KCNQ3: variants seen among roughly 807,000 people sequenced by gnomAD.
The protein encoded by KCNQ3 is potassium voltage-gated channel subfamily KQT member 3.
In KCNQ3, 30 loss-of-function variants were observed where a neutral mutation model predicts 92.5. The ratio of observed to expected loss-of-function variants is 0.32; its 90% CI spans 0.24 to 0.44. The LOEUF (loss-of-function observed/expected upper bound fraction) is 0.44, where lower values mean the gene tolerates loss of function less well. Among genes scored for constraint, KCNQ3 ranks in the 20% least tolerant of loss-of-function variants. The pLI is 1.00. For missense variants in KCNQ3, 913 were observed against 1,140.3 expected (o/e 0.80, Z 2.87); for synonymous variants, 450 against 468.8 (o/e 0.96, Z 0.52).
chr8:132,400,244 T>C (rs1820298650), intron 1 of KCNQ3, among the ~76,000 whole-genome samples: 1 of 152,184 alleles, frequency 6.6e-6, no homozygotes, highest in Non-Finnish European at 1.5e-5. Context: ...AAGACTGAGC[T>C]AAATATGAGC....
rs1045252695 is a variant in KCNQ3, at chr8:132,124,310, T to C, written c.*4952A>G. 6 of 152,194 alleles carry C rather than the reference T, an allele frequency of 3.9e-5. No individual in the cohort carries two copies. Among genetic ancestry groups the C allele is most frequent in the Non-Finnish European group, 7.3e-5 (5 of 68,036 alleles). The allele number at this position is 152,194 out of a possible 1,614,324, so 9.4% of individuals were successfully genotyped here. A position where few individuals can be genotyped will look rare whatever the true frequency, so the allele number is the denominator to read the frequency against. ...TTGGTGTAAATTTAGAGTTTATAAG[T>C]AACACCAAAGACTGAGACAATGAAG... On this transcript the variant is annotated 3_prime_UTR_variant, in exon 15 of 15. Coordinates refer to ENST00000388996, the MANE Select transcript of KCNQ3 (RefSeq NM_004519.4).
At chr8:132,184,472 G>A in intron 2 of KCNQ3, 105 bp from the exon 3 acceptor site, 1 of 1,384,356 alleles carries the variant, frequency 7.2e-7, no homozygotes, top group Non-Finnish European at 1.0e-6. Context: ...TTGTGCTGTT[G>A]CTGGTTGTCT....
chr8:132,384,734 G>T lies in KCNQ3; in HGVS notation c.386+95413C>A, dbSNP rs573970364. 2.6e-5 allele frequency among the ~76,000 whole-genome samples: 4 copies of T among 152,318 alleles called. No individual in the cohort carries two copies. In the South Asian group the frequency reaches 8.3e-4, roughly 32 times the overall value. ...AGGACTCATAACTTTCTGATCGATA[G>T]AAGCAGTATATTAAAGTCACACAGT... On this transcript the variant is annotated intron_variant, in intron 1 of 14. Transcript: ENST00000388996.
At chr8:132,325,560 T>G (rs902659723) in intron 1 of KCNQ3, among the ~76,000 whole-genome samples, 4 of 152,148 alleles carry the variant, frequency 2.6e-5, no homozygotes, top group African/African-American at 9.7e-5. Context: ...GGTGGTCTTA[T>G]AAGAAGATAT....
At position 132,121,552 on chromosome 8, in the gene KCNQ3, AG is replaced by A. The variant is rs1464613905; in HGVS notation, c.*7709del. The A allele has an allele frequency of 5.3e-5, 8 of 152,184 alleles. No homozygotes were observed. Among genetic ancestry groups the A allele is most frequent in the African/African-American group, 1.7e-4 (7 of 41,430 alleles). The allele number at this position is 152,184 out of a possible 1,614,324, so 9.4% of individuals were successfully genotyped here. ...GCCCCCTCCTTGGAAAAGTATTCAG[AG>A]GGGTATAGAAGGGCCCAATTACCAG... On this transcript the variant is annotated 3_prime_UTR_variant, in exon 15 of 15. Transcript: ENST00000388996.
chr8:132,289,604 G>A (rs912805395), intron 1 of KCNQ3, among the ~76,000 whole-genome samples: 3 of 152,126 alleles, frequency 2.0e-5, no homozygotes, highest in African/African-American at 7.2e-5. Flanking sequence ...AGCCCACCAG[G>A]ATAATCTGAG....
At chr8:132,412,299 A>G (rs1820672773) in intron 1 of KCNQ3, among the ~76,000 whole-genome samples, 2 of 152,050 alleles carry the variant, frequency 1.3e-5, no homozygotes, top group Admixed American at 6.5e-5. Context: ...ATTCTAATTC[A>G]TAAGTCTCTA....
At chr8:132,416,959 C>CG (rs1340705510) in intron 1 of KCNQ3, among the ~76,000 whole-genome samples, 2 of 152,124 alleles carry the variant, frequency 1.3e-5, no homozygotes, top group Non-Finnish European at 2.9e-5. Context: ...CAAGGGGACA[C>CG]GTCTGAGGGA....
At chr8:132,187,979 C>T (rs1223872274) in intron 1 of KCNQ3, among the ~76,000 whole-genome samples, 16 of 140,768 alleles carry the variant, frequency 1.1e-4, no homozygotes. Context: ...ACATCAGTAA[C>T]TGTTACTACA....
chr8:132,241,464 A>T (rs1026798374), intron 1 of KCNQ3, among the ~76,000 whole-genome samples: 2 of 151,916 alleles, frequency 1.3e-5, no homozygotes, highest in African/African-American at 4.8e-5. Context: ...ATGGTGCGGT[A>T]TCGGCTCACT....
chr8:132,361,203 A>G (rs752857270), intron 1 of KCNQ3, among the ~76,000 whole-genome samples: 41 of 152,184 alleles, frequency 2.7e-4, no homozygotes, highest in Non-Finnish European at 5.6e-4. Context: ...CCACTTTCCA[A>G]TAGCCTCTCT....
chr8:132,216,217 A>C (rs1814024409), intron 1 of KCNQ3, among the ~76,000 whole-genome samples: 1 of 151,192 alleles, frequency 6.6e-6, no homozygotes, highest in Non-Finnish European at 1.5e-5. Flanking sequence ...CAACAGCAAC[A>C]GCAACTATGA....
intron 1 of KCNQ3, among the ~76,000 whole-genome samples, chr8:132,467,300 A>G (rs778279222): frequency 6.6e-6 from 1 of 152,218 alleles, no homozygotes; most frequent in Non-Finnish European, 1.5e-5. Context: ...AAATAAATGT[A>G]AGTGGCTGTT....
intron 1 of KCNQ3, among the ~76,000 whole-genome samples, 170 bp downstream of exon 1, chr8:132,479,976 AC>A: frequency 6.6e-6 from 1 of 151,630 alleles, no homozygotes; most frequent in East Asian, 2.0e-4. Flanking sequence ...ACACACACAC[AC>A]ACACACACAC....
chr8:132,130,098 T>A, intron 14 of KCNQ3, 102 bp from the exon 15 acceptor site: 1 of 1,363,690 alleles, frequency 7.3e-7, no homozygotes, highest in Non-Finnish European at 1.0e-6. Context: ...TTTTTTTTTT[T>A]TTGAGACGAA....
chr8:132,439,185 G>C (rs963160641), intron 1 of KCNQ3, among the ~76,000 whole-genome samples: 2 of 151,678 alleles, frequency 1.3e-5, no homozygotes, highest in African/African-American at 4.8e-5. Context: ...ATTTACCCCT[G>C]CTGAGTAACA....
In KCNQ3 at chr8:132,250,299, A is replaced by G. The variant is rs75274652; in HGVS notation, c.387-64118T>C. On this transcript the variant is annotated intron_variant, in intron 1 of 14. Coordinates refer to ENST00000388996, the MANE Select transcript of KCNQ3 (RefSeq NM_004519.4). ...AAGCAGAGCCAAGGGACAAGGAGAC[A>G]AACAGATTCCTGACAACATCACTTG... Among the ~76,000 whole-genome samples the G allele has an allele frequency of 4.7e-3, 709 of 152,338 alleles. 5 individuals are homozygous for G. The highest frequency in any genetic ancestry group is 0.016 in the African/African-American group (676 of 41,584).
At chr8:132,460,514 C>T (rs1822037906) in intron 1 of KCNQ3, among the ~76,000 whole-genome samples, 1 of 152,132 alleles carries the variant, frequency 6.6e-6, no homozygotes, top group Non-Finnish European at 1.5e-5. Context: ...ACAAGTATAA[C>T]AGTATGAGAA....
intron 12 of KCNQ3, among the ~76,000 whole-genome samples, chr8:132,137,429 G>A (rs1170465863): frequency 3.3e-5 from 5 of 152,148 alleles, no homozygotes; most frequent in Non-Finnish European, 5.9e-5. Flanking sequence ...GGAGTACTCA[G>A]GAGTTCAATA....
Sources: allele counts gnomAD v4.1 joint callset (sites outside exome capture counted in the v4.1 genomes callset), GRCh38; gene constraint gnomAD v4.1.1; transcripts MANE v1.5; gene names NCBI Gene and HGNC (gene_info 2026-07-23, HGNC 2026-07-21).